The following PCDHGB7 variants were observed in gnomAD, a reference collection of about 807,000 sequenced individuals.
PCDHGB7 encodes the protein protocadherin gamma-B7.
A neutral mutation model predicts 61.4 loss-of-function variants in PCDHGB7; 37 were observed. The observed-to-expected ratio is 0.60, with a 90% CI of 0.46 to 0.79. The LOEUF (loss-of-function observed/expected upper bound fraction) is 0.79. Among genes scored for constraint, PCDHGB7 ranks in the 30% least tolerant of loss-of-function variants. The pLI is 0.00. For synonymous variants in PCDHGB7, 464 were observed against 503.5 expected, an observed-to-expected ratio of 0.92 and a Z score of 1.05; for missense variants, 1,166 against 1,202.5, an observed-to-expected ratio of 0.97 and a Z score of 0.45.
chr5:141,460,556 T>C (rs762545295), intron 1 of PCDHGB7, among the ~76,000 whole-genome samples: 10 of 152,152 alleles, frequency 6.6e-5, no homozygotes, highest in Admixed American at 3.3e-4. Context: ...CAAAAATCAT[T>C]TGGCCATGGA....
chr5:141,494,643 AG>A, intron 1 of PCDHGB7, 163 bp from the exon 2 acceptor site: 1 of 928,048 alleles, frequency 1.1e-6, no homozygotes, highest in Non-Finnish European at 1.3e-6. Flanking sequence ...CTGAGACCTG[AG>A]GTGTATTTTG....
intron 1 of PCDHGB7, chr5:141,423,380 G>A: frequency 6.2e-7 from 1 of 1,614,178 alleles, no homozygotes; most frequent in Non-Finnish European, 8.5e-7. Context: ...CTCAGGCTGT[G>A]GCGCTGGCAT....
intron 2 of PCDHGB7, among the ~76,000 whole-genome samples, chr5:141,496,411 CT>C (rs1266082660): frequency 6.6e-6 from 1 of 152,190 alleles, no homozygotes; most frequent in African/African-American, 2.4e-5. Context: ...TGGTTGAGTA[CT>C]TGCTGTCCAC....
intron 1 of PCDHGB7, among the ~76,000 whole-genome samples, chr5:141,459,544 T>G (rs772982634): frequency 6.6e-6 from 1 of 152,246 alleles, no homozygotes; most frequent in Non-Finnish European, 1.5e-5. Flanking sequence ...TTTTTTTTAT[T>G]TCTCTTGGAT....
At chr5:141,428,836 C>T (rs926107154) in intron 1 of PCDHGB7, 1 of 150,686 alleles carries the variant, frequency 6.6e-6, no homozygotes, top group African/African-American at 2.5e-5. Context: ...ATTTTTGAAA[C>T]ATTTTCACCA....
chr5:141,447,966 A>C (rs2098556806), intron 1 of PCDHGB7, among the ~76,000 whole-genome samples: 1 of 151,922 alleles, frequency 6.6e-6, no homozygotes, highest in Non-Finnish European at 1.5e-5. Context: ...GACACCTATA[A>C]TCCCAGCTAC....
chr5:141,431,697 G>T lies in PCDHGB7; in HGVS notation c.2415+11423G>T, dbSNP rs1303639699. 6.2e-7 allele frequency: 1 copy of T among 1,614,206 alleles called. No homozygotes were observed. Among genetic ancestry groups the T allele is most frequent in the Admixed American group, 1.7e-5 (1 of 60,024 alleles). ...GGGGAGTTGGACCACGAGGAGTCAG[G>T]ATTCTACCAGATGGAAGTGCAAGCA... On this transcript the variant is annotated intron_variant, in intron 1 of 3. Transcript: ENST00000398594. This position sits in a 1 kb window ranked among gnomAD's most constrained non-coding sequence, Gnocchi z 4.8.
At position 141,431,954 on chromosome 5, in the gene PCDHGB7, G is replaced by A. The variant is rs912037044; in HGVS notation, c.2415+11680G>A. 6.2e-7 allele frequency: 1 copy of A among 1,613,992 alleles called. No individual in the cohort carries two copies. Among genetic ancestry groups the A allele is most frequent in the African/African-American group, 1.3e-5 (1 of 74,896 alleles). ...GCCCTTTAAATTAGAAAAATCTTAC[G>A]GAAATTACTATAGTTTAGTCACAGA... is the stretch of plus-strand genomic sequence containing the variant. On this transcript the variant is annotated intron_variant, in intron 1 of 3. Coordinates refer to ENST00000398594, the MANE Select transcript of PCDHGB7 (RefSeq NM_018927.4). This position sits in a 1 kb window ranked among gnomAD's most constrained non-coding sequence, Gnocchi z 4.8.
chr5:141,497,538 AC>A lies in PCDHGB7; in HGVS notation c.2474+2675del, dbSNP rs1247704872. Among the ~76,000 whole-genome samples, 601 of 142,636 alleles carry A rather than the reference AC, an allele frequency of 4.2e-3. 3 individuals are homozygous for A. Among genetic ancestry groups the A allele is most frequent in the African/African-American group, 0.013 (497 of 38,408 alleles). The allele number at this position is 142,636 out of a possible 152,430, so 93.6% of individuals were successfully genotyped here. On this transcript the variant is annotated intron_variant, in intron 2 of 3. Coordinates refer to ENST00000398594, the MANE Select transcript of PCDHGB7 (RefSeq NM_018927.4). ...AGTTAACTTGTGGAGGATGCAACAA[AC>A]CTTTTTTTTTTTTTTTTTTAGACAG...
Position 141,431,829 on chromosome 5 carries a change from C to T in PCDHGB7, c.2415+11555C>T, listed in dbSNP as rs758915768. On this transcript the variant is annotated intron_variant, in intron 1 of 3. Transcript: ENST00000398594. The surrounding 1 kb of genome is among the most constrained non-coding windows in gnomAD (Gnocchi z 4.8). ...CTCACCTCTCTCGCCAGCTCGGTTC[C>T]CGAAAACTCTCCCAGAGGGACATTA... The T allele has an allele frequency of 1.9e-6, 3 of 1,613,928 alleles. No individual in the cohort carries two copies. The highest frequency in any genetic ancestry group is 2.2e-5 in the South Asian group (2 of 91,090).
At position 141,477,751 on chromosome 5, in the gene PCDHGB7, G is replaced by T; in HGVS notation, c.2416-17056G>T. 1.2e-6 allele frequency: 2 copies of T among 1,613,830 alleles called. No homozygotes were observed. Among genetic ancestry groups the T allele is most frequent in the Non-Finnish European group, 1.7e-6 (2 of 1,180,022 alleles). On this transcript the variant is annotated intron_variant, in intron 1 of 3. Coordinates refer to ENST00000398594, the MANE Select transcript of PCDHGB7 (RefSeq NM_018927.4). This position sits in a 1 kb window ranked among gnomAD's most constrained non-coding sequence, Gnocchi z 4.9. ...CTCATATCAGCGATGGGGGCACCCC[G>T]GTCCTAGCCACCAACATCAGCGTGA...
intron 1 of PCDHGB7, chr5:141,427,653 G>A (rs1221862562): frequency 4.1e-6 from 3 of 725,570 alleles, no homozygotes; most frequent in Non-Finnish European, 4.9e-6. Flanking sequence ...CTCCTACGTG[G>A]TCCACGTGGC....
At position 141,491,971 on chromosome 5, in the gene PCDHGB7, T is replaced by C. The variant is rs62379205; in HGVS notation, c.2416-2836T>C. ...CCTACACTCAAAAAAGGCCGGGGCC[T>C]CCTTCGAGCTTCCGGTGAATTTCGG... is the stretch of plus-strand genomic sequence containing the variant. On this transcript the variant is annotated intron_variant, in intron 1 of 3. Coordinates refer to ENST00000398594, the MANE Select transcript of PCDHGB7 (RefSeq NM_018927.4). This position sits in a 1 kb window ranked among gnomAD's most constrained non-coding sequence, Gnocchi z 6.9. The C allele has an allele frequency of 0.2, 165,735 of 830,872 alleles. 17,637 individuals are homozygous for C. Among genetic ancestry groups the C allele is most frequent in the Admixed American group, 0.32 (8,466 of 26,688 alleles). 51.5% of individuals were successfully genotyped at this position (830,872 alleles called of 1,614,324 possible).
At position 141,491,942 on chromosome 5, in the gene PCDHGB7, C is replaced by T. The variant is rs932715298; in HGVS notation, c.2416-2865C>T. 6.4e-5 allele frequency: 72 copies of T among 1,122,376 alleles called. No individual in the cohort carries two copies. Among genetic ancestry groups the T allele is most frequent in the Admixed American group, 3.5e-5 (1 of 28,738 alleles). 69.5% of individuals were successfully genotyped at this position (1,122,376 alleles called of 1,614,324 possible). A position where few individuals can be genotyped will look rare whatever the true frequency, so the allele number is the denominator to read the frequency against. ...GGCGAGGGGAGGTGGGACCGACCCC[C>T]ACCCCTACACTCAAAAAAGGCCGGG... is the stretch of plus-strand genomic sequence containing the variant. On this transcript the variant is annotated intron_variant, in intron 1 of 3. Transcript: ENST00000398594. The surrounding 1 kb of genome is among the most constrained non-coding windows in gnomAD (Gnocchi z 6.9).
intron 1 of PCDHGB7, among the ~76,000 whole-genome samples, chr5:141,451,410 G>T (rs1201545799): frequency 6.6e-6 from 1 of 152,190 alleles, no homozygotes; most frequent in East Asian, 1.9e-4. Context: ...TAAGTTCCTT[G>T]TGGATTGTTA....
chr5:141,465,786 T>G (rs1236517595), intron 1 of PCDHGB7, among the ~76,000 whole-genome samples: 1 of 152,136 alleles, frequency 6.6e-6, no homozygotes, highest in Non-Finnish European at 1.5e-5. Flanking sequence ...ACAGTTTTTT[T>G]TTTTTTAAGA....
chr5:141,466,450 G>A lies in PCDHGB7; in HGVS notation c.2416-28357G>A, dbSNP rs139024933. Reference sequence around the variant, plus strand: ...TAAGCTGAACCGAGATGTCTATGGTGTTGGCTATTGTTTCTGCTGTTAATT... The same window carrying A: ...TAAGCTGAACCGAGATGTCTATGGTATTGGCTATTGTTTCTGCTGTTAATT... On this transcript the variant is annotated intron_variant, in intron 1 of 3. Coordinates refer to ENST00000398594, the MANE Select transcript of PCDHGB7 (RefSeq NM_018927.4). Among the ~76,000 whole-genome samples, 714 of 152,290 alleles carry A rather than the reference G, an allele frequency of 4.7e-3. 2 individuals are homozygous for A. Among genetic ancestry groups the A allele is most frequent in the Non-Finnish European group, 7.0e-3 (479 of 68,028 alleles).
intron 1 of PCDHGB7, among the ~76,000 whole-genome samples, chr5:141,480,299 C>T: frequency 7.5e-6 from 1 of 132,466 alleles, no homozygotes; most frequent in Non-Finnish European, 1.6e-5. Flanking sequence ...CCTGTGGTAC[C>T]AGCTACTTGG....
chr5:141,498,971 G>GGGAAGGAAGGAAGGAAGGAAGGAA (rs201769957), intron 2 of PCDHGB7, among the ~76,000 whole-genome samples: 2 of 110,972 alleles, frequency 1.8e-5, no homozygotes, highest in African/African-American at 3.6e-5. Context: ...GAGGGAGGGA[G>GGGAAGGAAGGAAGGAAGGAAGGAA]GGAAGGAAGG....
Sources: gnomAD v4.1 joint callset for allele counts (sites outside exome capture counted in the v4.1 genomes callset) on GRCh38, gnomAD v4.1.1 for gene constraint, Gnocchi (gnomAD v3.1) non-coding constraint, MANE v1.5 for transcripts, NCBI Gene and HGNC (gene_info 2026-07-23, HGNC 2026-07-21) for gene names.